The following ITGB1BP1 variants were observed in gnomAD, a reference collection of about 807,000 sequenced individuals.
ITGB1BP1 encodes integrin subunit beta 1 binding protein 1.
ITGB1BP1 carries 20 observed loss-of-function variants against 28.0 expected under a neutral mutation model. The ratio of observed to expected loss-of-function variants is 0.71; its 90% CI spans 0.50 to 1.04. The LOEUF (loss-of-function observed/expected upper bound fraction) is 1.04, where lower values mean the gene tolerates loss of function less well. ITGB1BP1 is among the 50% of genes least tolerant of loss of function. The pLI is 0.00. For missense variants in ITGB1BP1, 228 were observed against 242.5 expected, an observed-to-expected ratio of 0.94 and a Z score of 0.40; for synonymous variants, 103 against 89.5, an observed-to-expected ratio of 1.15 and a Z score of -0.85.
chr2:9,407,684 G>A, intron 5 of ITGB1BP1, 86 bp from the exon 6 acceptor site: 1 of 1,439,340 alleles, frequency 6.9e-7, no homozygotes, highest in South Asian at 1.2e-5. Flanking sequence ...GCAGAGTGAG[G>A]CTTGAAACAG....
intron 4 of ITGB1BP1, among the ~76,000 whole-genome samples, chr2:9,411,681 C>G (rs140695164): frequency 0.014 from 2,188 of 151,756 alleles, 26 homozygotes; most frequent in Non-Finnish European, 0.024. Context: ...CGAGATTGCA[C>G]CACTGCACTC....
Position 9,403,523 on chromosome 2 carries a change from A to T in ITGB1BP1, c.*3311T>A, listed in dbSNP as rs1558409835. The T allele has an allele frequency of 1.8e-6, 1 of 541,466 alleles. No homozygotes were observed. Among genetic ancestry groups the T allele is most frequent in the Non-Finnish European group, 3.2e-6 (1 of 309,660 alleles). The allele number at this position is 541,466 out of a possible 1,614,324, so 33.5% of individuals were successfully genotyped here. The stretch of plus-strand genomic sequence containing the variant: ...TTATAATTTGTGGTTTTCATGAAAC[A>T]TTGCTATGCATTTATTAGGAAAAAC... On this transcript the variant is annotated 3_prime_UTR_variant, in exon 7 of 7. Coordinates refer to ENST00000355346, the MANE Select transcript of ITGB1BP1 (RefSeq NM_004763.5).
At chr2:9,414,103 T>C (rs891308098) in intron 3 of ITGB1BP1, 75 bp downstream of exon 3, 1 of 1,207,588 alleles carries the variant, frequency 8.3e-7, no homozygotes, top group Non-Finnish European at 1.2e-6. Context: ...GAAGAACTCA[T>C]TGTGCTACCC....
intron 1 of ITGB1BP1, among the ~76,000 whole-genome samples, chr2:9,421,983 C>T (rs1476861317): frequency 6.6e-6 from 1 of 152,260 alleles, no homozygotes; most frequent in Middle Eastern, 3.4e-3. Flanking sequence ...ACCAGGGCCC[C>T]CGTCATCCTA....
chr2:9,412,382 T>C lies in ITGB1BP1; in HGVS notation c.175A>G (p.Thr59Ala), dbSNP rs768281217. The C allele has an allele frequency of 2.5e-6, 4 of 1,608,256 alleles. No individual in the cohort carries two copies. In the Admixed American group the frequency reaches 5.1e-5, roughly 21 times the overall value. ...TATTTTATTCGAAATTCTGCACAGG[T>C]ATCTGAATTATTGTTGCTTTGTCCT... ...SSGQSNNNSD[T>A]CAEFRIKYVG... Residue 59 changes from threonine to alanine, a missense_variant, in exon 4 of 7, where the codon ACC becomes GCC. Around this residue, in one of 2 missense-constraint regions of ITGB1BP1, gnomAD observed 192 missense variants for 181.6 expected, o/e 1.06. Transcript: ENST00000355346.
At chr2:9,421,089 G>A (rs1281946790) in intron 1 of ITGB1BP1, among the ~76,000 whole-genome samples, 1 of 152,018 alleles carries the variant, frequency 6.6e-6, no homozygotes, top group Non-Finnish European at 1.5e-5. Context: ...ATGTTGATGT[G>A]TAACATATTT....
intron 3 of ITGB1BP1, 92 bp downstream of exon 3, chr2:9,414,086 A>G: frequency 9.3e-7 from 1 of 1,076,836 alleles, no homozygotes; most frequent in Non-Finnish European, 1.4e-6. Context: ...AGAAAGCCAC[A>G]AATACTGAAG....
intron 1 of ITGB1BP1, among the ~76,000 whole-genome samples, chr2:9,421,794 C>T (rs1027202886): frequency 6.6e-6 from 1 of 152,234 alleles, no homozygotes; most frequent in Non-Finnish European, 1.5e-5. Context: ...TCAAGCTGAA[C>T]CCATCATCCT....
intron 1 of ITGB1BP1, chr2:9,423,038 C>G: frequency 1.0e-6 from 1 of 998,394 alleles, no homozygotes; most frequent in South Asian, 4.0e-5. Flanking sequence ...GGACAGACAA[C>G]CCCGACCCTG....
At chr2:9,410,990 C>A (rs752588058) in intron 4 of ITGB1BP1, among the ~76,000 whole-genome samples, 2 of 152,184 alleles carry the variant, frequency 1.3e-5, no homozygotes, top group Non-Finnish European at 2.9e-5. Flanking sequence ...TTAATGCGCA[C>A]ATAAAAATGT....
chr2:9,409,867 G>C (rs530276959), intron 4 of ITGB1BP1, among the ~76,000 whole-genome samples: 43 of 135,210 alleles, frequency 3.2e-4, no homozygotes, highest in Non-Finnish European at 6.1e-4. Flanking sequence ...TTTTTGAGAC[G>C]GAGTTCTGCT....
intron 1 of ITGB1BP1, 129 bp downstream of exon 1, chr2:9,423,244 A>C (rs1333071627): frequency 3.5e-6 from 4 of 1,140,390 alleles, no homozygotes; most frequent in African/African-American, 1.7e-5. Context: ...GCCCGAGCCC[A>C]GGCATCCCTC....
chr2:9,419,807 T>C (rs1679575038), intron 1 of ITGB1BP1, among the ~76,000 whole-genome samples: 1 of 152,200 alleles, frequency 6.6e-6, no homozygotes, highest in Admixed American at 6.5e-5. Flanking sequence ...GCATACCATA[T>C]GCCACACACT....
Position 9,404,137 on chromosome 2 carries a change from A to G in ITGB1BP1, c.*2697T>C, listed in dbSNP as rs1202020222. 6.6e-6 allele frequency: 1 copy of G among 152,250 alleles called. No individual in the cohort carries two copies. The highest frequency in any genetic ancestry group is 1.9e-4 in the East Asian group (1 of 5,202). The allele number at this position is 152,250 out of a possible 1,614,324, so 9.4% of individuals were successfully genotyped here. On this transcript the variant is annotated 3_prime_UTR_variant, in exon 7 of 7. Coordinates refer to ENST00000355346, the MANE Select transcript of ITGB1BP1 (RefSeq NM_004763.5). ...TGCCTTCTTGAACTTCCTGAGTCAC[A>G]CAGAAAGCAACTGTACACAGTAGAA...
intron 1 of ITGB1BP1, chr2:9,422,403 G>C: frequency 1.0e-6 from 1 of 985,556 alleles, no homozygotes. Context: ...CTGGTTCTCA[G>C]CGCGATGCTC....
intron 4 of ITGB1BP1, among the ~76,000 whole-genome samples, chr2:9,408,994 GC>G (rs542856956): frequency 9.9e-5 from 15 of 152,228 alleles, no homozygotes; most frequent in Non-Finnish European, 2.1e-4. Flanking sequence ...CACATATCCT[GC>G]CCAGATGGGA....
At chr2:9,418,536 G>A in intron 2 of ITGB1BP1, 90 bp downstream of exon 2, 1 of 890,484 alleles carries the variant, frequency 1.1e-6, no homozygotes, top group Non-Finnish European at 1.9e-6. Flanking sequence ...CAGGAGATCT[G>A]CCCACGGTCA....
rs73152822 is a variant in ITGB1BP1, at chr2:9,419,188, A to C, written c.-35-456T>G. ...ATTCCTTTTCATTCTTTCCTATTAA[A>C]TTATAGAAAGTTAACCCAATAAGCA... is the stretch of plus-strand genomic sequence containing the variant. On this transcript the variant is annotated intron_variant, in intron 1 of 6. Transcript: ENST00000355346. 5.1e-3 allele frequency among the ~76,000 whole-genome samples: 770 copies of C among 152,362 alleles called. 1 individual carries two copies. The highest frequency in any genetic ancestry group is 0.018 in the African/African-American group (733 of 41,580).
At chr2:9,413,946 T>G (rs10199974) in intron 3 of ITGB1BP1, among the ~76,000 whole-genome samples, 90,898 of 151,952 alleles carry the variant, frequency 0.6, 28,946 homozygotes, top group African/African-American at 0.77. Context: ...GAAACTTCCA[T>G]TTTGCCCATG....
Sources: gnomAD v4.1 joint callset for allele counts (sites outside exome capture counted in the v4.1 genomes callset) on GRCh38, gnomAD v4.1.1 for gene constraint, gnomAD v4.1.1 regional missense constraint, MANE v1.5 for transcripts, NCBI Gene and HGNC (gene_info 2026-07-23, HGNC 2026-07-21) for gene names.